DIP2C: variants seen among roughly 807,000 people sequenced by gnomAD.
DIP2C encodes DIP2 acetate--CoA ligase C (putative).
DIP2C carries 33 observed loss-of-function variants against 192.4 expected under a neutral mutation model. The observed-to-expected ratio is 0.17, with a 90% CI of 0.13 to 0.23. The LOEUF (loss-of-function observed/expected upper bound fraction) is 0.23. DIP2C is among the 10% of genes least tolerant of loss of function. The probability of loss-of-function intolerance (pLI) is 1.00; values close to 1 mark genes in which losing one functional copy is unlikely to be tolerated. For missense variants in DIP2C, 1,537 were observed against 2,110.1 expected (o/e 0.73, Z 5.32); for synonymous variants, 979 against 864.1 (o/e 1.13, Z -2.33).
At chr10:541,538 G>A (rs530985739) in intron 1 of DIP2C, among the ~76,000 whole-genome samples, 6 of 116,154 alleles carry the variant, frequency 5.2e-5, no homozygotes, top group Admixed American at 3.2e-4. Context: ...ATCTCTCCTC[G>A]ACCCCACAGT....
intron 32 of DIP2C, among the ~76,000 whole-genome samples, chr10:300,565 CGT>C (rs1194418924): frequency 1.3e-5 from 2 of 151,282 alleles, no homozygotes; most frequent in East Asian, 1.9e-4. Context: ...AGCAGCCCTG[CGT>C]GTGTGGAGAA....
intron 1 of DIP2C, among the ~76,000 whole-genome samples, chr10:527,698 G>T (rs147002417): frequency 6.6e-6 from 1 of 152,238 alleles, no homozygotes; most frequent in Non-Finnish European, 1.5e-5. Flanking sequence ...TGACATAAAT[G>T]TTGGCTAAGG....
At chr10:465,751 AAC>A (rs1970147371) in intron 3 of DIP2C, among the ~76,000 whole-genome samples, 1 of 151,732 alleles carries the variant, frequency 6.6e-6, no homozygotes, top group Non-Finnish European at 1.5e-5. Flanking sequence ...ACAGCAGACA[AAC>A]AGAGAGCCAA....
chr10:663,301 G>A (rs1321376052), intron 1 of DIP2C: 1 of 182,878 alleles, frequency 5.5e-6, no homozygotes, highest in Non-Finnish European at 1.1e-5. Flanking sequence ...AGGCCTGGCT[G>A]GAACTTCGTA....
At chr10:324,245 T>C (rs1957164313) in intron 31 of DIP2C, among the ~76,000 whole-genome samples, 2 of 152,224 alleles carry the variant, frequency 1.3e-5, no homozygotes, top group Non-Finnish European at 2.9e-5. Flanking sequence ...TAAGTTTCTT[T>C]GTAGTAAAAT....
chr10:471,247 G>T (rs997745189), intron 3 of DIP2C, among the ~76,000 whole-genome samples: 3 of 152,070 alleles, frequency 2.0e-5, no homozygotes, highest in Non-Finnish European at 4.4e-5. Context: ...CTTTTGCATG[G>T]GTGACACTCT....
intron 19 of DIP2C, among the ~76,000 whole-genome samples, chr10:365,866 G>A (rs185918002): frequency 5.3e-5 from 8 of 152,316 alleles, no homozygotes; most frequent in Admixed American, 2.0e-4. Flanking sequence ...AGCCGTAAAG[G>A]GGCTCTAGTT....
chr10:591,858 G>A (rs932071313), intron 1 of DIP2C, among the ~76,000 whole-genome samples: 23 of 152,212 alleles, frequency 1.5e-4, no homozygotes, highest in African/African-American at 5.5e-4. Context: ...CACAGTGCAG[G>A]CAGCCAGAGG....
chr10:329,189 C>T (rs566499496), intron 30 of DIP2C, among the ~76,000 whole-genome samples: 2 of 152,312 alleles, frequency 1.3e-5, no homozygotes, highest in South Asian at 2.1e-4. Context: ...CAAGTAGACC[C>T]AGTGGAATGA....
intron 1 of DIP2C, among the ~76,000 whole-genome samples, chr10:532,632 TGAGAGAGAGTATGGGTGTGA>T (rs1847452651): frequency 1.8e-5 from 2 of 112,766 alleles, no homozygotes; most frequent in Non-Finnish European, 3.5e-5. Context: ...AGTATGGGTG[TGAGAGAGAGTATGGGTGTGA>T]GAGAGAGTAT....
chr10:552,439 CCTT>C (rs1481056882), intron 1 of DIP2C, among the ~76,000 whole-genome samples: 2 of 152,066 alleles, frequency 1.3e-5, no homozygotes, highest in African/African-American at 4.8e-5. Flanking sequence ...GAAATTTCTT[CCTT>C]ATTATTCGAA....
chr10:508,349 C>T (rs542302343), intron 1 of DIP2C, among the ~76,000 whole-genome samples: 1 of 152,356 alleles, frequency 6.6e-6, no homozygotes, highest in South Asian at 2.1e-4. Context: ...AGGCCCTCAG[C>T]CCCTCCATGT....
rs539739070 is a variant in DIP2C, at chr10:348,615, G to A, written c.3231+26C>T. ...CCACACTCAGCTCCAGGCAGGTGGA[G>A]GCCCCGACATTCCCAGGCATGTTAC... On this transcript the variant is annotated intron_variant, in intron 26 of 36. Coordinates refer to ENST00000280886, the MANE Select transcript of DIP2C (RefSeq NM_014974.3). 74 of 1,608,978 alleles carry A rather than the reference G, an allele frequency of 4.6e-5. 3 individuals are homozygous for A. In the South Asian group the frequency reaches 5.4e-4, roughly 12 times the overall value.
chr10:645,058 A>T (rs893377823), intron 1 of DIP2C, among the ~76,000 whole-genome samples: 13 of 152,206 alleles, frequency 8.5e-5, no homozygotes, highest in Admixed American at 8.5e-4. Flanking sequence ...GAGGTGGGAC[A>T]TCATCTTCAT....
At position 400,729 on chromosome 10, in the gene DIP2C, C is replaced by T. The variant is rs891650849; in HGVS notation, c.1150-1510G>A. Among the ~76,000 whole-genome samples, 12 of 148,162 alleles carry T rather than the reference C, an allele frequency of 8.1e-5. 1 individual carries two copies. Among genetic ancestry groups the T allele is most frequent in the African/African-American group, 2.3e-4 (9 of 38,460 alleles). ...TCCTGTGATTTTACACGTGTGGTAGCATTAGCATTACTCTTCTTTATGGAC... is the reference window on the plus strand; with the variant it reads ...TCCTGTGATTTTACACGTGTGGTAGTATTAGCATTACTCTTCTTTATGGAC... On this transcript the variant is annotated intron_variant, in intron 9 of 36. Coordinates refer to ENST00000280886, the MANE Select transcript of DIP2C (RefSeq NM_014974.3).
intron 3 of DIP2C, among the ~76,000 whole-genome samples, chr10:470,730 G>A (rs1451907335): frequency 1.3e-5 from 2 of 152,012 alleles, no homozygotes; most frequent in Non-Finnish European, 2.9e-5. Flanking sequence ...GATCTCCTGT[G>A]TGGTAAGATG....
At chr10:669,411 G>A (rs74778675) in intron 1 of DIP2C, 1 of 152,152 alleles carries the variant, frequency 6.6e-6, no homozygotes, top group African/African-American at 2.4e-5. Flanking sequence ...TATCGCCTCA[G>A]AAAACAAGTC....
At chr10:444,943 C>T (rs993906451) in intron 3 of DIP2C, among the ~76,000 whole-genome samples, 1 of 152,212 alleles carries the variant, frequency 6.6e-6, no homozygotes, top group Non-Finnish European at 1.5e-5. Context: ...TGAACATCTA[C>T]AGCATACCTG....
chr10:417,669 G>GCCTCCCTGTCT (rs1564684684), intron 6 of DIP2C, among the ~76,000 whole-genome samples: 3 of 5,342 alleles, frequency 5.6e-4, no homozygotes, highest in African/African-American at 1.5e-3. Flanking sequence ...TTCCTGTCAG[G>GCCTCCCTGTCT]GCTCGGATAG....
Sources: allele counts gnomAD v4.1 joint callset (sites outside exome capture counted in the v4.1 genomes callset), GRCh38; gene constraint gnomAD v4.1.1; transcripts MANE v1.5; gene names NCBI Gene and HGNC (gene_info 2026-07-23, HGNC 2026-07-21).